The following EBPL variants were observed in gnomAD, a reference collection of about 807,000 sequenced individuals.
The protein encoded by EBPL is EBP like.
In EBPL, 20 loss-of-function variants were observed where a neutral mutation model predicts 19.0. The ratio of observed to expected loss-of-function variants is 1.05; its 90% CI spans 0.74 to 1.53. EBPL has a LOEUF of 1.53. Ranked by LOEUF, EBPL falls within the 40% of genes most tolerant of loss-of-function variation. The pLI, the probability that EBPL is intolerant of heterozygous loss-of-function variation, is 0.00. For synonymous variants in EBPL, 107 were observed against 117.0 expected (o/e 0.91, Z 0.55); for missense variants, 219 against 261.1 (o/e 0.84, Z 1.11).
chr13:49,690,751 G>A (rs1313431609), intron 1 of EBPL, among the ~76,000 whole-genome samples: 1 of 152,178 alleles, frequency 6.6e-6, no homozygotes, highest in African/African-American at 2.4e-5. Context: ...ATTTATGGAT[G>A]CTGTAAAGAT....
Position 49,690,049 on chromosome 13 carries a change from C to G in EBPL, c.171+1205G>C, listed in dbSNP as rs553343489. ...CCCGTAATCCCAGCTACTCGGGAGG[C>G]TGAGGCAGGAGAATAGCTTTAACCC... On this transcript the variant is annotated intron_variant, in intron 1 of 3. Transcript: ENST00000242827. Among the ~76,000 whole-genome samples the G allele has an allele frequency of 5.3e-5, 8 of 151,710 alleles. No homozygotes were observed. In the East Asian group the frequency reaches 1.6e-3, roughly 30 times the overall value.
At position 49,691,312 on chromosome 13, in the gene EBPL, G is replaced by T; in HGVS notation, c.113C>A (p.Ala38Glu). ...CCAGATGAGCGCCCCGCGGTCCGCC[G>T]CCCCCTGCCCGCGGCCCAGGCGCAG... ...LGLRLGRGQG[A>E]ADRGALIWLC... Residue 38 changes from alanine (A) to glutamate (E), a missense_variant, in exon 1 of 4, where the codon GCG becomes GAG. By Grantham distance (107) the Ala-to-Glu change is moderately radical. This residue lies in a region of EBPL where 170 missense variants were observed against 167.0 expected (regional missense o/e 1.02). Transcript: ENST00000242827. 7.3e-7 allele frequency: 1 copy of T among 1,363,564 alleles called. No homozygotes were observed. 84.5% of individuals were successfully genotyped at this position (1,363,564 alleles called of 1,614,324 possible).
At chr13:49,676,428 A>G (rs1271316918) in intron 1 of EBPL, among the ~76,000 whole-genome samples, 1 of 152,130 alleles carries the variant, frequency 6.6e-6, no homozygotes. Flanking sequence ...CGTCTCTACT[A>G]AAAATACAAA....
At chr13:49,680,905 A>G (rs1953935966) in intron 1 of EBPL, among the ~76,000 whole-genome samples, 1 of 152,174 alleles carries the variant, frequency 6.6e-6, no homozygotes, top group Non-Finnish European at 1.5e-5. Flanking sequence ...AAAGGTACAA[A>G]GCAAAGGATA....
Position 49,664,647 on chromosome 13 carries a change from C to T in EBPL, c.242-1452G>A, listed in dbSNP as rs1483800997. On this transcript the variant is annotated intron_variant, in intron 2 of 3. Coordinates refer to ENST00000242827, the MANE Select transcript of EBPL (RefSeq NM_032565.5). ...TACAGTGAAAAAATGGAAGTGATCA[C>T]ACCTCGTCTCCCCCTTTAATACTGC... Among the ~76,000 whole-genome samples, 13 of 152,272 alleles carry T rather than the reference C, an allele frequency of 8.5e-5. No individual in the cohort carries two copies. In the East Asian group the frequency reaches 2.1e-3, roughly 25 times the overall value.
At chr13:49,666,711 C>CAAAAAAAA (rs35086927) in intron 2 of EBPL, among the ~76,000 whole-genome samples, 7 of 81,014 alleles carry the variant, frequency 8.6e-5, no homozygotes, top group African/African-American at 1.1e-4. Flanking sequence ...GACTCCGTCT[C>CAAAAAAAA]AAAAAAAAAA....
intron 1 of EBPL, among the ~76,000 whole-genome samples, chr13:49,689,081 A>G (rs1398882303): frequency 5.9e-5 from 9 of 152,232 alleles, no homozygotes; most frequent in African/African-American, 2.2e-4. Flanking sequence ...TAAAATATCA[A>G]TCAAATGGCC....
At chr13:49,681,516 C>T (rs1429152681) in intron 1 of EBPL, among the ~76,000 whole-genome samples, 1 of 152,198 alleles carries the variant, frequency 6.6e-6, no homozygotes, top group East Asian at 1.9e-4. Context: ...GTCTTGAACT[C>T]CTGACCTCAG....
Position 49,691,266 on chromosome 13 carries a change from C to A in EBPL, c.159G>T (p.Val53=). ...CGATGGCACTTACCAGCGCGAAGTGCACCAGCGCGTCGTAGCAGAGCCAGA... is the reference window on the plus strand; with the variant it reads ...CGATGGCACTTACCAGCGCGAAGTGAACCAGCGCGTCGTAGCAGAGCCAGA... ...ALIWLCYDAL[V]HFALEGPFVY... is the part of the protein sequence containing the mutation. Residue 53 remains valine (V), a synonymous_variant, in exon 1 of 4, where the codon GTG becomes GTT. Transcript: ENST00000242827. 1 of 1,399,662 alleles carries A rather than the reference C, an allele frequency of 7.1e-7. No homozygotes were observed. Among genetic ancestry groups the A allele is most frequent in the Non-Finnish European group, 9.3e-7 (1 of 1,072,978 alleles). The allele number at this position is 1,399,662 out of a possible 1,614,324, so 86.7% of individuals were successfully genotyped here. A position where few individuals can be genotyped will look rare whatever the true frequency, so the allele number is the denominator to read the frequency against.
At chr13:49,689,339 G>T (rs1218936792) in intron 1 of EBPL, among the ~76,000 whole-genome samples, 1 of 152,164 alleles carries the variant, frequency 6.6e-6, no homozygotes, top group Non-Finnish European at 1.5e-5. Flanking sequence ...TTTGTCTAAG[G>T]TATGTTAAAC....
In EBPL at chr13:49,674,305, T is replaced by C. The variant is rs182951979; in HGVS notation, c.172-4459A>G. Among the ~76,000 whole-genome samples, 751 of 152,250 alleles carry C rather than the reference T, an allele frequency of 4.9e-3. 7 individuals are homozygous for C. The highest frequency in any genetic ancestry group is 5.5e-3 in the Non-Finnish European group (377 of 68,022). ...TTTTAGTAGAGATGGGGTTTCGCCA[T>C]GTTGGCCAGGCTGGTCTTGAACTCC... On this transcript the variant is annotated intron_variant, in intron 1 of 3. Coordinates refer to ENST00000242827, the MANE Select transcript of EBPL (RefSeq NM_032565.5).
intron 1 of EBPL, among the ~76,000 whole-genome samples, chr13:49,688,103 T>C (rs1327983470): frequency 1.3e-5 from 2 of 152,208 alleles, no homozygotes; most frequent in African/African-American, 2.4e-5. Context: ...TATACATAGA[T>C]TGCAGAAGAG....
intron 1 of EBPL, among the ~76,000 whole-genome samples, chr13:49,676,821 GATA>G (rs1284357240): frequency 6.6e-6 from 1 of 152,090 alleles, no homozygotes; most frequent in Non-Finnish European, 1.5e-5. Flanking sequence ...AGATTTTATA[GATA>G]ATCCCAGGCT....
intron 1 of EBPL, among the ~76,000 whole-genome samples, chr13:49,678,889 G>A (rs1953911025): frequency 6.6e-6 from 1 of 151,652 alleles, no homozygotes; most frequent in African/African-American, 2.4e-5. Context: ...GCACGCGCCT[G>A]TATTCCCAGC....
chr13:49,676,985 A>G (rs1020336696), intron 1 of EBPL, among the ~76,000 whole-genome samples: 1 of 152,114 alleles, frequency 6.6e-6, no homozygotes, highest in Non-Finnish European at 1.5e-5. Flanking sequence ...TGAAACATTC[A>G]GTATATTAAA....
chr13:49,680,476 C>G (rs1052083667), intron 1 of EBPL, among the ~76,000 whole-genome samples: 1 of 152,206 alleles, frequency 6.6e-6, no homozygotes, highest in Non-Finnish European at 1.5e-5. Flanking sequence ...AATCTGCTCA[C>G]TGATACTGTA....
At chr13:49,688,082 T>C (rs1954018356) in intron 1 of EBPL, among the ~76,000 whole-genome samples, 1 of 152,234 alleles carries the variant, frequency 6.6e-6, no homozygotes, top group Admixed American at 6.5e-5. Flanking sequence ...TTTCTGGCCA[T>C]GCCTGAATGC....
chr13:49,666,661 G>A (rs376620734), intron 2 of EBPL, among the ~76,000 whole-genome samples: 35 of 148,828 alleles, frequency 2.4e-4, no homozygotes, highest in African/African-American at 8.2e-4. Flanking sequence ...GCAGTGAGCC[G>A]GGATAGCACC....
intron 1 of EBPL, among the ~76,000 whole-genome samples, chr13:49,684,083 C>T (rs986811477): frequency 5.3e-5 from 8 of 152,102 alleles, no homozygotes; most frequent in Non-Finnish European, 1.2e-4. Flanking sequence ...AGAAGGCAGA[C>T]GGGTGTTTGT....
Sources: gnomAD v4.1 joint callset for allele counts (sites outside exome capture counted in the v4.1 genomes callset) on GRCh38, gnomAD v4.1.1 for gene constraint, gnomAD v4.1.1 regional missense constraint, MANE v1.5 for transcripts, NCBI Gene and HGNC (gene_info 2026-07-23, HGNC 2026-07-21) for gene names.